The following RNGTT variants were observed in gnomAD, a reference collection of about 807,000 sequenced individuals.
RNGTT encodes mRNA-capping enzyme.
A neutral mutation model predicts 79.3 loss-of-function variants in RNGTT; 33 were observed. The observed-to-expected ratio is 0.42, with a 90% CI of 0.32 to 0.56. The LOEUF (loss-of-function observed/expected upper bound fraction) is 0.56. Ranked by LOEUF, RNGTT falls within the 20% of genes least tolerant of loss-of-function variation. RNGTT has a pLI of 0.17. For synonymous variants in RNGTT, 222 were observed against 235.9 expected, an observed-to-expected ratio of 0.94 and a Z score of 0.54; for missense variants, 497 against 739.1, an observed-to-expected ratio of 0.67 and a Z score of 3.80.
intron 11 of RNGTT, among the ~76,000 whole-genome samples, chr6:88,843,909 T>A (rs1360825380): frequency 2.7e-5 from 4 of 150,492 alleles, no homozygotes; most frequent in African/African-American, 9.7e-5. Context: ...AAGAAAACCT[T>A]CAATGTATGT....
intron 1 of RNGTT, among the ~76,000 whole-genome samples, chr6:88,948,506 C>CCCGG (rs1785110144): frequency 4.1e-5 from 6 of 147,252 alleles, no homozygotes; most frequent in Non-Finnish European, 7.6e-5. Context: ...CAGCCCCCCG[C>CCCGG]CCGGCCGGCC....
chr6:88,693,173 A>G (rs971166090), intron 13 of RNGTT, among the ~76,000 whole-genome samples: 5 of 152,058 alleles, frequency 3.3e-5, no homozygotes, highest in African/African-American at 4.8e-5. Flanking sequence ...TAGAAGAATA[A>G]ATCAATGAAA....
intron 13 of RNGTT, among the ~76,000 whole-genome samples, chr6:88,693,179 T>A (rs1775542222): frequency 6.6e-6 from 1 of 151,692 alleles, no homozygotes; most frequent in Non-Finnish European, 1.5e-5. Context: ...AATAAATCAA[T>A]GAAACTAAGA....
At chr6:88,713,651 C>T (rs1043301169) in intron 13 of RNGTT, among the ~76,000 whole-genome samples, 4 of 151,946 alleles carry the variant, frequency 2.6e-5, no homozygotes, top group African/African-American at 4.8e-5. Context: ...TTGTTATATA[C>T]GTATCACATT....
intron 13 of RNGTT, among the ~76,000 whole-genome samples, chr6:88,679,808 T>C (rs1341894663): frequency 1.3e-5 from 2 of 152,204 alleles, no homozygotes; most frequent in Non-Finnish European, 1.5e-5. Context: ...ATATCTCATC[T>C]TTCTTTTATC....
intron 8 of RNGTT, among the ~76,000 whole-genome samples, chr6:88,855,932 A>G (rs1781831369): frequency 6.6e-6 from 1 of 152,220 alleles, no homozygotes; most frequent in South Asian, 2.1e-4. Context: ...AAGATCAAAT[A>G]AAAAGCAATG....
intron 13 of RNGTT, among the ~76,000 whole-genome samples, chr6:88,760,073 G>T (rs1778158335): frequency 6.6e-6 from 1 of 152,036 alleles, no homozygotes; most frequent in Non-Finnish European, 1.5e-5. Context: ...AAATTCCAAA[G>T]AATCAAATTA....
At chr6:88,765,015 A>C (rs1778408429) in intron 13 of RNGTT, among the ~76,000 whole-genome samples, 1 of 151,766 alleles carries the variant, frequency 6.6e-6, no homozygotes, top group Non-Finnish European at 1.5e-5. Flanking sequence ...ACACGGTGAA[A>C]CCCCGTCTCT....
rs186732665 is a variant in RNGTT, at chr6:88,925,329, G to A, written c.367+3656C>T. ...AGCTTATTAATAAATAAGGGTTCAC[G>A]CCTGTAATCCCAGCACTTTGGGAGG... On this transcript the variant is annotated intron_variant, in intron 4 of 15. Coordinates refer to ENST00000369485, the MANE Select transcript of RNGTT (RefSeq NM_003800.5). 6.0e-3 allele frequency among the ~76,000 whole-genome samples: 917 copies of A among 152,070 alleles called. 18 individuals are homozygous for A. Among genetic ancestry groups the A allele is most frequent in the African/African-American group, 0.02 (830 of 41,454 alleles).
intron 11 of RNGTT, among the ~76,000 whole-genome samples, chr6:88,807,059 T>C (rs1320383018): frequency 6.6e-6 from 1 of 152,014 alleles, no homozygotes; most frequent in African/African-American, 2.4e-5. Context: ...CATGGACACA[T>C]GGGGGTGAAC....
At chr6:88,740,875 C>G (rs542432745) in intron 13 of RNGTT, among the ~76,000 whole-genome samples, 1 of 151,908 alleles carries the variant, frequency 6.6e-6, no homozygotes, top group Non-Finnish European at 1.5e-5. Flanking sequence ...ACACGCATTC[C>G]GGAACTTAAA....
chr6:88,776,633 C>T (rs56942767), intron 12 of RNGTT, among the ~76,000 whole-genome samples: 10,239 of 150,132 alleles, frequency 0.068, 1,456 homozygotes, highest in East Asian at 0.59. Context: ...CCATGCCCAG[C>T]CACCTGTTGA....
intron 1 of RNGTT, among the ~76,000 whole-genome samples, chr6:88,950,295 CCTA>C (rs1405065948): frequency 2.0e-5 from 3 of 152,308 alleles, no homozygotes; most frequent in African/African-American, 7.2e-5. Flanking sequence ...TGGTTCCATG[CCTA>C]CTAACATAGC....
intron 1 of RNGTT, among the ~76,000 whole-genome samples, chr6:88,944,741 G>A (rs1784951499): frequency 2.0e-5 from 3 of 152,066 alleles, no homozygotes; most frequent in Admixed American, 6.6e-5. Flanking sequence ...ATTCATTTAT[G>A]TATACATGTG....
rs142116190 is a variant in RNGTT, at chr6:88,834,803, TAAAGA to T, written c.1269+9549_1269+9553del. Reference sequence around the variant, plus strand: ...TTATATTTAGTGATAAACAAGAAAATAAAGAAAAGAAAAGCAATACATAGAAAATA... The same window carrying T: ...TTATATTTAGTGATAAACAAGAAAATAAAGAAAAGCAATACATAGAAAATA... On this transcript the variant is annotated intron_variant, in intron 11 of 15. Coordinates refer to ENST00000369485, the MANE Select transcript of RNGTT (RefSeq NM_003800.5). Among the ~76,000 whole-genome samples, 421 of 151,844 alleles carry T rather than the reference TAAAGA, an allele frequency of 2.8e-3. 1 individual carries two copies. The highest frequency in any genetic ancestry group is 9.7e-3 in the African/African-American group (401 of 41,420).
intron 4 of RNGTT, among the ~76,000 whole-genome samples, chr6:88,915,726 C>A (rs1466609734): frequency 6.6e-6 from 1 of 152,222 alleles, no homozygotes; most frequent in Middle Eastern, 3.4e-3. Flanking sequence ...ACACAATATA[C>A]CCTTATAACA....
At chr6:88,701,511 A>C (rs1024003395) in intron 13 of RNGTT, among the ~76,000 whole-genome samples, 1 of 149,592 alleles carries the variant, frequency 6.7e-6, no homozygotes, top group Non-Finnish European at 1.5e-5. Context: ...TAGTACTGAT[A>C]ATTACAAATG....
intron 13 of RNGTT, among the ~76,000 whole-genome samples, chr6:88,767,008 C>T (rs1778483679): frequency 6.6e-6 from 1 of 152,056 alleles, no homozygotes; most frequent in Admixed American, 6.5e-5. Context: ...GATATAAACT[C>T]ATTTATTCAG....
intron 13 of RNGTT, among the ~76,000 whole-genome samples, chr6:88,756,688 A>G (rs935937682): frequency 1.3e-5 from 2 of 152,202 alleles, no homozygotes; most frequent in Non-Finnish European, 2.9e-5. Flanking sequence ...AATAATGACT[A>G]TATTGACTAC....
Sources: gnomAD v4.1 joint callset for allele counts (sites outside exome capture counted in the v4.1 genomes callset) on GRCh38, gnomAD v4.1.1 for gene constraint, MANE v1.5 for transcripts, NCBI Gene and HGNC (gene_info 2026-07-23, HGNC 2026-07-21) for gene names.